The following SLIT3 variants were observed in gnomAD, a reference collection of about 807,000 sequenced individuals.
The protein encoded by SLIT3 is slit homolog 3 protein.
Under a neutral mutation model 184.0 loss-of-function variants are expected in SLIT3, and 68 were observed. The ratio of observed to expected loss-of-function variants is 0.37; its 90% CI spans 0.30 to 0.45. SLIT3 has a LOEUF of 0.45. Ranked by LOEUF, SLIT3 falls within the 20% of genes least tolerant of loss-of-function variation. The pLI, the probability that SLIT3 is intolerant of heterozygous loss-of-function variation, is 1.00. For synonymous variants in SLIT3, 831 were observed against 828.6 expected, an observed-to-expected ratio of 1.00 and a Z score of -0.05; for missense variants, 1,707 against 2,026.0, an observed-to-expected ratio of 0.84 and a Z score of 3.02.
intron 14 of SLIT3, among the ~76,000 whole-genome samples, chr5:168,766,340 C>T (rs879292252): frequency 6.6e-6 from 1 of 152,188 alleles, no homozygotes; most frequent in Non-Finnish European, 1.5e-5. Context: ...TGTCAGGCCT[C>T]ATCAGCTTGA....
intron 4 of SLIT3, among the ~76,000 whole-genome samples, chr5:169,042,489 C>T (rs1193305546): frequency 3.9e-5 from 6 of 152,126 alleles, no homozygotes; most frequent in Admixed American, 3.9e-4. Context: ...AATCCGGTGC[C>T]CCTCTGCTCT....
At chr5:168,985,138 C>T (rs1337576511) in intron 4 of SLIT3, among the ~76,000 whole-genome samples, 10 of 152,144 alleles carry the variant, frequency 6.6e-5, no homozygotes, top group Admixed American at 2.0e-4. Flanking sequence ...GAGTTCCTTC[C>T]GTGGCCACCC....
chr5:168,852,128 C>A (rs1420407426), intron 5 of SLIT3, among the ~76,000 whole-genome samples: 1 of 152,154 alleles, frequency 6.6e-6, no homozygotes, highest in Non-Finnish European at 1.5e-5. Context: ...GTGATGGGGG[C>A]AGGTTTATGG....
chr5:169,226,317 C>T (rs1479692169), intron 3 of SLIT3, among the ~76,000 whole-genome samples: 2 of 152,012 alleles, frequency 1.3e-5, no homozygotes, highest in African/African-American at 4.8e-5. Context: ...CTTTGGGAGA[C>T]CTTCGACTCC....
At chr5:168,752,595 A>G (rs1754756512) in intron 18 of SLIT3, 1 of 208,438 alleles carries the variant, frequency 4.8e-6, no homozygotes. Context: ...GGGTTTCACC[A>G]TGTTGGTCAG....
At chr5:169,213,193 G>A (rs12515375) in intron 3 of SLIT3, among the ~76,000 whole-genome samples, 35,933 of 151,910 alleles carry the variant, frequency 0.24, 5,044 homozygotes, top group East Asian at 0.64. Context: ...GCCAAATCAT[G>A]AGTGAACTCC....
chr5:169,033,477 C>T (rs1757116237), intron 4 of SLIT3, among the ~76,000 whole-genome samples: 2 of 152,114 alleles, frequency 1.3e-5, no homozygotes, highest in South Asian at 4.2e-4. Flanking sequence ...ATTGTTAGGT[C>T]ATCTGGTAAT....
intron 4 of SLIT3, among the ~76,000 whole-genome samples, chr5:169,005,029 C>CAAGT (rs1367468972): frequency 6.6e-6 from 1 of 152,200 alleles, no homozygotes; most frequent in African/African-American, 2.4e-5. Flanking sequence ...CTGCATCAAG[C>CAAGT]AAGTCTATTG....
intron 11 of SLIT3, 129 bp downstream of exon 11, chr5:168,789,431 C>T (rs1756273744): frequency 1.6e-6 from 1 of 624,494 alleles, no homozygotes; most frequent in Admixed American, 3.0e-5. Context: ...TTTCTTTTAC[C>T]AGGTTGCCAC....
intron 4 of SLIT3, among the ~76,000 whole-genome samples, chr5:168,999,790 C>T (rs1413092850): frequency 1.3e-5 from 2 of 152,190 alleles, no homozygotes; most frequent in South Asian, 2.1e-4. Flanking sequence ...CATGGAGGGC[C>T]GGCCCTGGGG....
At chr5:168,929,515 A>C (rs989282502) in intron 4 of SLIT3, among the ~76,000 whole-genome samples, 1 of 152,206 alleles carries the variant, frequency 6.6e-6, no homozygotes, top group Admixed American at 6.5e-5. Flanking sequence ...GGCAAAATTC[A>C]AACCCAGGGA....
intron 4 of SLIT3, among the ~76,000 whole-genome samples, chr5:169,083,754 C>T (rs1304851313): frequency 2.0e-5 from 3 of 152,200 alleles, no homozygotes; most frequent in Non-Finnish European, 4.4e-5. Flanking sequence ...GGCATGCCAG[C>T]ACCCTCTAGG....
chr5:169,006,628 C>T (rs896756895), intron 4 of SLIT3, among the ~76,000 whole-genome samples: 6 of 150,834 alleles, frequency 4.0e-5, no homozygotes, highest in African/African-American at 1.5e-4. Flanking sequence ...CACACACACA[C>T]ACAACTCTCC....
intron 11 of SLIT3, 58 bp from the exon 12 acceptor site, chr5:168,786,036 G>T: frequency 8.2e-7 from 1 of 1,225,014 alleles, no homozygotes; most frequent in Non-Finnish European, 1.2e-6. Flanking sequence ...CCAGAACCCA[G>T]TCCTGCAGGA....
chr5:169,173,425 G>C (rs192865487), intron 4 of SLIT3, among the ~76,000 whole-genome samples: 3 of 152,242 alleles, frequency 2.0e-5, no homozygotes, highest in Non-Finnish European at 2.9e-5. Flanking sequence ...GGGAGGAGAA[G>C]GAAGAGGTGA....
chr5:168,902,022 G>A (rs1470339744), intron 4 of SLIT3, among the ~76,000 whole-genome samples: 1 of 152,144 alleles, frequency 6.6e-6, no homozygotes, highest in African/African-American at 2.4e-5. Context: ...CTGCCTTATA[G>A]CTGGGACTAT....
chr5:168,725,760 A>G (rs572593423), intron 20 of SLIT3, among the ~76,000 whole-genome samples: 1 of 152,344 alleles, frequency 6.6e-6, no homozygotes, highest in South Asian at 2.1e-4. Flanking sequence ...TGCAGACCAC[A>G]TTTTGAGTAA....
chr5:168,777,461 G>A (rs1755803611), intron 12 of SLIT3, among the ~76,000 whole-genome samples: 1 of 152,216 alleles, frequency 6.6e-6, no homozygotes. Context: ...ATGCCACGCT[G>A]GCAATCCTTC....
chr5:168,671,666 A>G (rs1761251273), intron 33 of SLIT3, among the ~76,000 whole-genome samples, 183 bp from the exon 34 acceptor site: 1 of 152,210 alleles, frequency 6.6e-6, no homozygotes, highest in South Asian at 2.1e-4. Flanking sequence ...TTGGTCCTGC[A>G]CTGGGACTCC....
Sources: gnomAD v4.1 joint callset for allele counts (sites outside exome capture counted in the v4.1 genomes callset) on GRCh38, gnomAD v4.1.1 for gene constraint, MANE v1.5 for transcripts, NCBI Gene and HGNC (gene_info 2026-07-23, HGNC 2026-07-21) for gene names.